FAM81B: variants seen among roughly 807,000 people sequenced by gnomAD.
FAM81B encodes the protein family with sequence similarity 81 member B, also known as protein FAM81B.
In FAM81B, 60 loss-of-function variants were observed where a neutral mutation model predicts 58.7. That is an observed-to-expected ratio of 1.02 (90% CI 0.83 to 1.27). FAM81B has a LOEUF of 1.27. Ranked by LOEUF, FAM81B falls within the 50% of genes most tolerant of loss-of-function variation. FAM81B has a pLI of 0.00. For synonymous variants in FAM81B, 189 were observed against 179.6 expected, an observed-to-expected ratio of 1.05 and a Z score of -0.42; for missense variants, 491 against 522.0, an observed-to-expected ratio of 0.94 and a Z score of 0.58.
At chr5:95,448,230 G>A (rs763107138) in intron 8 of FAM81B, 39 bp from the exon 9 acceptor site, 6 of 1,524,026 alleles carry the variant, frequency 3.9e-6, no homozygotes, top group Non-Finnish European at 4.4e-6. Context: ...ATAAATCCAT[G>A]TACATTTCTG....
intron 5 of FAM81B, among the ~76,000 whole-genome samples, chr5:95,420,905 C>T (rs887909879): frequency 2.6e-5 from 4 of 152,128 alleles, no homozygotes; most frequent in Admixed American, 6.5e-5. Flanking sequence ...ACCACTCTGG[C>T]AGACACATCA....
chr5:95,404,250 AG>A (rs554989326), intron 3 of FAM81B, among the ~76,000 whole-genome samples: 1 of 152,148 alleles, frequency 6.6e-6, no homozygotes, highest in Non-Finnish European at 1.5e-5. Context: ...CATCCAATCC[AG>A]GGTAGCACTG....
chr5:95,444,809 C>A (rs993842891), intron 7 of FAM81B, among the ~76,000 whole-genome samples: 1 of 152,056 alleles, frequency 6.6e-6, no homozygotes, highest in Admixed American at 6.5e-5. Context: ...ATTTCCCATT[C>A]CTTGGTTTCA....
chr5:95,437,526 G>C (rs906233574), intron 7 of FAM81B, among the ~76,000 whole-genome samples: 2 of 152,102 alleles, frequency 1.3e-5, no homozygotes, highest in Non-Finnish European at 2.9e-5. Flanking sequence ...TTTTAGTAGA[G>C]ACCGGGTTTC....
chr5:95,426,125 T>TATATATATATATATATATATAC (rs781083080), intron 5 of FAM81B, among the ~76,000 whole-genome samples: 2 of 94,306 alleles, frequency 2.1e-5, no homozygotes, highest in African/African-American at 8.6e-5. Flanking sequence ...TATATATATG[T>TATATATATATATATATATATAC]ACACATATAT....
chr5:95,395,634 T>C (rs945118783), intron 2 of FAM81B, among the ~76,000 whole-genome samples: 1 of 152,100 alleles, frequency 6.6e-6, no homozygotes, highest in African/African-American at 2.4e-5. Flanking sequence ...CTATACTTAA[T>C]GTTGGTAAAT....
At chr5:95,430,468 A>T (rs910518321) in intron 6 of FAM81B, among the ~76,000 whole-genome samples, 4 of 151,444 alleles carry the variant, frequency 2.6e-5, no homozygotes, top group Non-Finnish European at 4.4e-5. Context: ...TATATCCTGA[A>T]CATCTTTCCA....
intron 3 of FAM81B, among the ~76,000 whole-genome samples, chr5:95,404,268 TG>T (rs1762189286): frequency 6.6e-6 from 1 of 152,074 alleles, no homozygotes; most frequent in Non-Finnish European, 1.5e-5. Flanking sequence ...ACTGACAGCA[TG>T]GTGGGGGTTT....
chr5:95,440,117 A>T, intron 7 of FAM81B: 1 of 550,464 alleles, frequency 1.8e-6, no homozygotes, highest in South Asian at 1.6e-5. Flanking sequence ...TTTAAGAAAC[A>T]TCCACAGCAG....
intron 5 of FAM81B, among the ~76,000 whole-genome samples, chr5:95,422,567 C>T (rs1357057657): frequency 1.3e-5 from 1 of 74,230 alleles, no homozygotes; most frequent in Non-Finnish European, 4.3e-5. Flanking sequence ...ACTGCAGCCT[C>T]TGCCTCCCAG....
intron 6 of FAM81B, among the ~76,000 whole-genome samples, chr5:95,432,383 T>C (rs1391359783): frequency 1.3e-5 from 2 of 152,102 alleles, no homozygotes; most frequent in Non-Finnish European, 2.9e-5. Flanking sequence ...ACCATTGAAC[T>C]GACTTCATAA....
At chr5:95,428,927 C>T (rs1053345751) in intron 6 of FAM81B, among the ~76,000 whole-genome samples, 195 bp downstream of exon 6, 7 of 152,108 alleles carry the variant, frequency 4.6e-5, no homozygotes, top group Admixed American at 2.0e-4. Context: ...GAATGTCTGC[C>T]GTGTTCCAAC....
chr5:95,426,124 G>T (rs2731832), intron 5 of FAM81B, among the ~76,000 whole-genome samples: 1 of 98,920 alleles, frequency 1.0e-5, no homozygotes, highest in Non-Finnish European at 1.9e-5. Flanking sequence ...ATATATATAT[G>T]TACACATATA....
intron 7 of FAM81B, among the ~76,000 whole-genome samples, chr5:95,445,443 T>A (rs1189925486): frequency 6.6e-6 from 1 of 152,088 alleles, no homozygotes; most frequent in Admixed American, 6.6e-5. Context: ...CCCAGTCCCA[T>A]ACCTCATTTA....
rs545100476 is a variant in FAM81B, at chr5:95,423,599, A to C, written c.656+3197A>C. On this transcript the variant is annotated intron_variant, in intron 5 of 9. Transcript: ENST00000283357. The stretch of plus-strand genomic sequence containing the variant: ...ATTTTGTTGATTTGTGATTAAAAGC[A>C]AAATCATGTTCTTTAAAGAAACATA... Among the ~76,000 whole-genome samples, 9 of 152,196 alleles carry C rather than the reference A, an allele frequency of 5.9e-5. No homozygotes were observed. The East Asian group carries it at 1.5e-3, about 26-fold the overall frequency.
intron 3 of FAM81B, among the ~76,000 whole-genome samples, chr5:95,400,070 G>A (rs770723531): frequency 3.9e-5 from 6 of 152,154 alleles, no homozygotes; most frequent in Non-Finnish European, 7.3e-5. Context: ...ATGATACATT[G>A]ACTATAAGCA....
intron 2 of FAM81B, 41 bp downstream of exon 2, chr5:95,392,938 T>C: frequency 6.6e-7 from 1 of 1,506,526 alleles, no homozygotes; most frequent in East Asian, 2.4e-5. Flanking sequence ...TAGAATACTT[T>C]GCTCAGCTTC....
At chr5:95,447,304 T>G (rs999600949) in intron 8 of FAM81B, among the ~76,000 whole-genome samples, 3 of 152,176 alleles carry the variant, frequency 2.0e-5, no homozygotes, top group Non-Finnish European at 4.4e-5. Flanking sequence ...TAAAGTAAGA[T>G]GTTTTGAGAA....
chr5:95,399,480 G>GCCCCCCC (rs112271049), intron 3 of FAM81B, among the ~76,000 whole-genome samples: 3 of 149,908 alleles, frequency 2.0e-5, no homozygotes, highest in Admixed American at 6.7e-5. Flanking sequence ...TTCTTTTCAT[G>GCCCCCCC]CCCCCCCCCA....
Sources: allele counts gnomAD v4.1 joint callset (sites outside exome capture counted in the v4.1 genomes callset), GRCh38; gene constraint gnomAD v4.1.1; transcripts MANE v1.5; gene names NCBI Gene and HGNC (gene_info 2026-07-23, HGNC 2026-07-21).